The following PTPRC variants were observed in gnomAD, a reference collection of about 807,000 sequenced individuals.
PTPRC encodes receptor-type tyrosine-protein phosphatase C.
PTPRC carries 44 observed loss-of-function variants against 155.9 expected under a neutral mutation model. That is an observed-to-expected ratio of 0.28 (90% CI 0.22 to 0.36). The LOEUF is 0.36. Ranked by LOEUF, PTPRC falls within the 10% of genes least tolerant of loss-of-function variation. The pLI is 1.00. For missense variants in PTPRC, 1,401 were observed against 1,564.6 expected, an observed-to-expected ratio of 0.90 and a Z score of 1.76; for synonymous variants, 525 against 533.1, an observed-to-expected ratio of 0.98 and a Z score of 0.21.
rs544658649 is a variant in PTPRC at position 198,716,028 on chromosome 1, G to C, written c.1292-654G>C. Reference sequence around the variant, plus strand: ...CCTCCCCAGCCAGAGCTGTTGTCCTGATCAGGTTTGTCACTAAACTCAAAA... The same window carrying C: ...CCTCCCCAGCCAGAGCTGTTGTCCTCATCAGGTTTGTCACTAAACTCAAAA... On this transcript the variant is annotated intron_variant, in intron 12 of 32. Transcript: ENST00000442510. 3.3e-5 allele frequency among the ~76,000 whole-genome samples: 5 copies of C among 152,190 alleles called. No homozygotes were observed. In the South Asian group the frequency reaches 1.0e-3, roughly 32 times the overall value.
Position 198,708,100 on chromosome 1 carries a change from C to A in PTPRC, c.905-33C>A, listed in dbSNP as rs775378171. ...GGCTTAGGATACACATTATGAAATACTAATCAAGTTTATTTCTGTATCTTC... is the reference window on the plus strand; with the variant it reads ...GGCTTAGGATACACATTATGAAATAATAATCAAGTTTATTTCTGTATCTTC... On this transcript the variant is annotated intron_variant, in intron 9 of 32. Transcript: ENST00000442510. 5.1e-6 allele frequency: 8 copies of A among 1,571,276 alleles called. 1 individual carries two copies. In the South Asian group the frequency reaches 7.8e-5, roughly 15 times the overall value.
chr1:198,647,574 C>T (rs1663008722), intron 2 of PTPRC, among the ~76,000 whole-genome samples: 1 of 151,694 alleles, frequency 6.6e-6, no homozygotes, highest in Admixed American at 6.6e-5. Context: ...TGTTTTTCTT[C>T]CTCTATCTTT....
At chr1:198,725,379 G>A (rs1000116477) in intron 15 of PTPRC, among the ~76,000 whole-genome samples, 1 of 152,180 alleles carries the variant, frequency 6.6e-6, no homozygotes, top group Non-Finnish European at 1.5e-5. Flanking sequence ...CTTGGTGACT[G>A]AGGAGATTTC....
intron 2 of PTPRC, among the ~76,000 whole-genome samples, chr1:198,687,305 CT>C (rs912221011): frequency 1.3e-4 from 19 of 151,916 alleles, no homozygotes; most frequent in Non-Finnish European, 1.9e-4. Flanking sequence ...CTCATCAGGT[CT>C]TTTTTTTCTA....
chr1:198,659,954 G>A (rs546524999), intron 2 of PTPRC, among the ~76,000 whole-genome samples: 8 of 139,182 alleles, frequency 5.7e-5, no homozygotes, highest in South Asian at 4.6e-4. Context: ...CATTGTCCAC[G>A]TATATGGACA....
intron 2 of PTPRC, among the ~76,000 whole-genome samples, chr1:198,686,759 G>A (rs1400887283): frequency 6.6e-6 from 1 of 152,100 alleles, no homozygotes; most frequent in Non-Finnish European, 1.5e-5. Context: ...AATACTTTAT[G>A]CAAAAATTTT....
At chr1:198,695,466 C>G (rs542990577) in intron 3 of PTPRC, among the ~76,000 whole-genome samples, 1 of 146,712 alleles carries the variant, frequency 6.8e-6, no homozygotes, top group Non-Finnish European at 1.5e-5. Context: ...ATTCCAACCT[C>G]CAGAGATCAC....
chr1:198,667,396 A>G (rs1330639951), intron 2 of PTPRC, among the ~76,000 whole-genome samples: 2 of 152,218 alleles, frequency 1.3e-5, no homozygotes, highest in African/African-American at 4.8e-5. Context: ...GTCATTTTAT[A>G]TGATTGAATC....
At chr1:198,752,461 C>A in intron 30 of PTPRC, 90 bp downstream of exon 30, 1 of 1,545,692 alleles carries the variant, frequency 6.5e-7, no homozygotes, top group Non-Finnish European at 8.9e-7. Context: ...GCAAGGCCAT[C>A]ATATAAATAA....
intron 15 of PTPRC, among the ~76,000 whole-genome samples, chr1:198,725,716 ATTG>A (rs1186239634): frequency 2.0e-5 from 3 of 151,350 alleles, no homozygotes; most frequent in Admixed American, 2.0e-4. Flanking sequence ...ATTTTTTGTT[ATTG>A]TTGTTGTTGT....
chr1:198,728,879 C>G lies in PTPRC; in HGVS notation c.1830-258C>G, dbSNP rs142418005. On this transcript the variant is annotated intron_variant, in intron 16 of 32. Coordinates refer to ENST00000442510, the MANE Select transcript of PTPRC (RefSeq NM_002838.5). ...TAGCTACTTATGTGAGTTTAGCAGA[C>G]AATTCTTGGTTGTTTTCTTTCCTCC... is the stretch of plus-strand genomic sequence containing the variant. Among the ~76,000 whole-genome samples the G allele has an allele frequency of 4.2e-3, 636 of 152,066 alleles. 18 individuals are homozygous for G. Among genetic ancestry groups the G allele is most frequent in the Non-Finnish European group, 5.1e-3 (346 of 67,946 alleles).
At chr1:198,720,354 A>G (rs905355509) in intron 14 of PTPRC, among the ~76,000 whole-genome samples, 21 of 152,184 alleles carry the variant, frequency 1.4e-4, no homozygotes, top group Middle Eastern at 3.4e-3. Flanking sequence ...TTTTTGAGAA[A>G]GAGTCTCGCT....
chr1:198,704,632 C>A, intron 8 of PTPRC, 134 bp downstream of exon 8: 1 of 1,515,036 alleles, frequency 6.6e-7, no homozygotes, highest in Admixed American at 1.8e-5. Flanking sequence ...GATGACTAGT[C>A]TCAAATTAGT....
chr1:198,665,111 A>G, intron 2 of PTPRC, among the ~76,000 whole-genome samples: 1 of 92,608 alleles, frequency 1.1e-5, no homozygotes, highest in African/African-American at 4.1e-5. Context: ...TTTTTTTGAG[A>G]CGGAGTCTCG....
rs115231155 is a variant in PTPRC at position 198,746,224 on chromosome 1, C to T, written c.2848-1885C>T. On this transcript the variant is annotated intron_variant, in intron 26 of 32. Transcript: ENST00000442510. The stretch of plus-strand genomic sequence containing the variant: ...TTCAGAAATCAATACCTGACACTTC[C>T]CAGTGAAGCCGGTGGATAGAAGCTA... Among the ~76,000 whole-genome samples, 757 of 151,882 alleles carry T rather than the reference C, an allele frequency of 5.0e-3. 9 individuals are homozygous for T. The highest frequency in any genetic ancestry group is 0.017 in the African/African-American group (710 of 41,462).
intron 2 of PTPRC, among the ~76,000 whole-genome samples, chr1:198,677,700 T>C (rs147050567): frequency 7.8e-4 from 119 of 152,282 alleles, no homozygotes; most frequent in African/African-American, 2.5e-3. Flanking sequence ...TGGATTCAAA[T>C]TTTTCTCAGC....
At chr1:198,671,440 C>G (rs1426001934) in intron 2 of PTPRC, among the ~76,000 whole-genome samples, 7 of 152,244 alleles carry the variant, frequency 4.6e-5, no homozygotes, top group African/African-American at 1.7e-4. Context: ...TCCTCTTTCT[C>G]TATTCCCTTG....
intron 29 of PTPRC, 65 bp from the exon 30 acceptor site, chr1:198,752,184 G>C: frequency 6.6e-7 from 1 of 1,522,688 alleles, no homozygotes; most frequent in African/African-American, 1.4e-5. Flanking sequence ...GGGAGAAAGA[G>C]GGAGACTGAT....
chr1:198,706,783 T>C lies in PTPRC; in HGVS notation c.735T>C (p.Thr245=). 1 of 1,612,762 alleles carries C rather than the reference T, an allele frequency of 6.2e-7. No individual in the cohort carries two copies. The highest frequency in any genetic ancestry group is 8.5e-7 in the Non-Finnish European group (1 of 1,179,144). ...TGGATTACTTATATAACAAGGAAAC[T>C]AAATTATTTACAGCAAAGCTAAATG... The part of the protein sequence containing the change: ...ITVDYLYNKE[T]KLFTAKLNVN... Residue 245 remains threonine, a synonymous_variant, in exon 9 of 33, where the codon ACT becomes ACC. Transcript: ENST00000442510.
Sources: allele counts gnomAD v4.1 joint callset (sites outside exome capture counted in the v4.1 genomes callset), GRCh38; gene constraint gnomAD v4.1.1; transcripts MANE v1.5; gene names NCBI Gene and HGNC (gene_info 2026-07-23, HGNC 2026-07-21).